Variants in FBXO34 observed in about 807,000 individuals in gnomAD.
FBXO34 encodes F-box protein 34.
A neutral mutation model predicts 24.5 loss-of-function variants in FBXO34; 12 were observed. That is an observed-to-expected ratio of 0.49 (90% confidence interval 0.31 to 0.79). FBXO34 has a LOEUF of 0.79. Among genes scored for constraint, FBXO34 ranks in the 30% least tolerant of loss-of-function variants. FBXO34 has a pLI of 0.04. For missense variants in FBXO34, 823 were observed against 857.7 expected (o/e 0.96, Z 0.51); for synonymous variants, 320 against 311.9 (o/e 1.03, Z -0.27).
chr14:55,278,256 C>T (rs1163036391), intron 1 of FBXO34, among the ~76,000 whole-genome samples: 1 of 152,188 alleles, frequency 6.6e-6, no homozygotes, highest in Non-Finnish European at 1.5e-5. Context: ...TTGTGAGGAA[C>T]TGAACTCATT....
chr14:55,331,737 ATATGTGTG>A (rs1883571309), intron 1 of FBXO34, among the ~76,000 whole-genome samples: 1 of 45,348 alleles, frequency 2.2e-5, no homozygotes, highest in African/African-American at 2.0e-4. Context: ...ATGTATATAT[ATATGTGTG>A]TATATATATA....
chr14:55,326,999 T>C (rs1340434485), intron 1 of FBXO34, among the ~76,000 whole-genome samples: 1 of 152,036 alleles, frequency 6.6e-6, no homozygotes, highest in Non-Finnish European at 1.5e-5. Context: ...TGGAGAGAGA[T>C]GTACCATGGA....
intron 1 of FBXO34, among the ~76,000 whole-genome samples, chr14:55,298,204 AGTTTTTTTTTTTGC>A (rs1185043517): frequency 3.1e-5 from 4 of 130,886 alleles, no homozygotes; most frequent in Admixed American, 2.9e-4. Context: ...AAACACTGTG[AGTTTTTTTTTTTGC>A]GTTTTTTTTT....
intron 1 of FBXO34, among the ~76,000 whole-genome samples, chr14:55,304,980 G>T (rs189409363): frequency 7.6e-4 from 115 of 152,306 alleles, no homozygotes; most frequent in Admixed American, 1.1e-3. Context: ...ATTAGGGCAG[G>T]AGTTGCTGAA....
the FBXO34 span, among the ~76,000 whole-genome samples, chr14:55,418,973 CCA>C: frequency 6.6e-6 from 1 of 152,222 alleles, no homozygotes; most frequent in Non-Finnish European, 1.5e-5. Context: ...CTCACCAAGG[CCA>C]CACAGTCAAT....
chr14:55,390,688 A>G, the FBXO34 span, among the ~76,000 whole-genome samples: 28 of 152,160 alleles, frequency 1.8e-4, no homozygotes, highest in Non-Finnish European at 1.9e-4. Flanking sequence ...TTTTTAATTG[A>G]GAAAAGAATC....
intron 3 of FBXO34, among the ~76,000 whole-genome samples, chr14:55,359,715 T>A (rs2140102363): frequency 6.6e-6 from 1 of 152,292 alleles, no homozygotes; most frequent in Non-Finnish European, 1.5e-5. Flanking sequence ...TTTGATAGCA[T>A]TTTACCCCCA....
intron 1 of FBXO34, among the ~76,000 whole-genome samples, chr14:55,347,184 A>G (rs1370996413): frequency 3.3e-5 from 5 of 152,152 alleles, no homozygotes; most frequent in Non-Finnish European, 5.9e-5. Flanking sequence ...TTAAAATACA[A>G]TTGTGATGAA....
the FBXO34 span, among the ~76,000 whole-genome samples, chr14:55,432,583 T>G: frequency 6.6e-6 from 1 of 152,234 alleles, no homozygotes; most frequent in Non-Finnish European, 1.5e-5. Context: ...TAGCAATTTC[T>G]GCACTTCTAA....
At chr14:55,277,754 C>G (rs1881391777) in intron 1 of FBXO34, among the ~76,000 whole-genome samples, 1 of 152,174 alleles carries the variant, frequency 6.6e-6, no homozygotes, top group Non-Finnish European at 1.5e-5. Flanking sequence ...AGTTATAATT[C>G]TATCCAAGTC....
At chr14:55,298,616 C>T (rs1020123432) in intron 1 of FBXO34, 5 of 1,172,820 alleles carry the variant, frequency 4.3e-6, no homozygotes, top group South Asian at 1.5e-5. Flanking sequence ...CCAGCCGGAG[C>T]GGGCGTTGAA....
the FBXO34 span, chr14:55,381,903 G>A: frequency 6.9e-7 from 1 of 1,458,034 alleles, no homozygotes; most frequent in Non-Finnish European, 9.6e-7. Context: ...ATTTTGTTAT[G>A]TCAATTTTAC....
the FBXO34 span, chr14:55,397,370 A>C: frequency 6.2e-7 from 1 of 1,612,252 alleles, no homozygotes; most frequent in Non-Finnish European, 8.5e-7. Flanking sequence ...CAAAACACTC[A>C]CTCTTTCTGA....
chr14:55,403,759 T>G, the FBXO34 span, among the ~76,000 whole-genome samples: 1 of 152,174 alleles, frequency 6.6e-6, no homozygotes, highest in South Asian at 2.1e-4. Flanking sequence ...CATAGGATAT[T>G]GAGGACTGTG....
chr14:55,415,807 A>G, the FBXO34 span, among the ~76,000 whole-genome samples: 1 of 152,198 alleles, frequency 6.6e-6, no homozygotes, highest in Non-Finnish European at 1.5e-5. Context: ...CGGGGGTTGC[A>G]ATGAGCAGAG....
chr14:55,290,774 T>G (rs1254766779), intron 1 of FBXO34, among the ~76,000 whole-genome samples: 2 of 152,194 alleles, frequency 1.3e-5, no homozygotes, highest in Admixed American at 1.3e-4. Context: ...TTTATTATCT[T>G]TTTTTCCCAT....
chr14:55,367,910 G>A (rs571959005), exon 3 of FBXO34: 3 of 152,640 alleles, frequency 2.0e-5, no homozygotes, highest in African/African-American at 7.2e-5. Context: ...AAGCTATATA[G>A]CACCTCGGAC....
intron 1 of FBXO34, among the ~76,000 whole-genome samples, chr14:55,344,728 C>A (rs1251835960): frequency 6.6e-6 from 1 of 151,826 alleles, no homozygotes; most frequent in East Asian, 1.9e-4. Flanking sequence ...TCCACCCCCA[C>A]CACCCACCAA....
At chr14:55,303,030 A>G (rs1045122702) in intron 1 of FBXO34, among the ~76,000 whole-genome samples, 6 of 152,198 alleles carry the variant, frequency 3.9e-5, no homozygotes, top group African/African-American at 1.2e-4. Context: ...TTTGCCTCCT[A>G]AAGATCTTTA....
Sources: allele counts gnomAD v4.1 joint callset (sites outside exome capture counted in the v4.1 genomes callset), GRCh38; gene constraint gnomAD v4.1.1; transcripts MANE v1.5; gene names NCBI Gene and HGNC (gene_info 2026-07-23, HGNC 2026-07-21).